The following UTP15 variants were observed in gnomAD, a reference collection of about 807,000 sequenced individuals.
The protein encoded by UTP15 is UTP15 small subunit processome component.
Under a neutral mutation model 59.1 loss-of-function variants are expected in UTP15, and 5 were observed. The observed-to-expected ratio is 0.08, with a 90% CI of 0.04 to 0.18. The LOEUF (loss-of-function observed/expected upper bound fraction) is 0.18. Ranked by LOEUF, UTP15 falls within the 10% of genes least tolerant of loss-of-function variation. UTP15 has a pLI of 1.00. For synonymous variants in UTP15, 211 were observed against 212.2 expected, an observed-to-expected ratio of 0.99 and a Z score of 0.05; for missense variants, 494 against 616.7, an observed-to-expected ratio of 0.80 and a Z score of 2.11.
chr5:73,578,897 A>G (rs769616892), intron 10 of UTP15, 45 bp downstream of exon 10: 8 of 1,574,148 alleles, frequency 5.1e-6, no homozygotes, highest in Non-Finnish European at 7.0e-6. Context: ...CTTACCCTGC[A>G]TATTACCATG....
rs967759598 is a variant in UTP15 at position 73,580,972 on chromosome 5, A to G, written c.*878A>G. On this transcript the variant is annotated 3_prime_UTR_variant, in exon 13 of 13. Coordinates refer to ENST00000296792, the MANE Select transcript of UTP15 (RefSeq NM_032175.4). ...CCCCCATTATTCACAATCATATTGT[A>G]TTTCGGAACCCCAATGCAGAGCAGT... is the stretch of plus-strand genomic sequence containing the variant. The G allele has an allele frequency of 2.0e-5, 3 of 151,960 alleles. No individual in the cohort carries two copies. The highest frequency in any genetic ancestry group is 4.4e-5 in the Non-Finnish European group (3 of 68,006). 9.4% of individuals were successfully genotyped at this position (151,960 alleles called of 1,614,324 possible).
chr5:73,581,465 C>G lies in UTP15; in HGVS notation c.*1371C>G, dbSNP rs1192217945. ...TCCTAGTACACTGGTTTCACAGTTG[C>G]TACCTCTCCTGCTTTTCTCTAATTA... is the stretch of plus-strand genomic sequence containing the variant. On this transcript the variant is annotated 3_prime_UTR_variant, in exon 13 of 13. Transcript: ENST00000296792. 6.6e-6 allele frequency: 1 copy of G among 152,134 alleles called. No homozygotes were observed. Among genetic ancestry groups the G allele is most frequent in the Non-Finnish European group, 1.5e-5 (1 of 68,026 alleles). The allele number at this position is 152,134 out of a possible 1,614,324, so 9.4% of individuals were successfully genotyped here.
intron 8 of UTP15, among the ~76,000 whole-genome samples, chr5:73,577,456 A>G (rs1214028821): frequency 6.6e-6 from 1 of 152,204 alleles, no homozygotes; most frequent in Non-Finnish European, 1.5e-5. Context: ...TATACTGTCA[A>G]GTTTTATGAG....
rs1218806381 is a variant in UTP15 at position 73,582,817 on chromosome 5, A to G, written c.*2723A>G. 6.6e-6 allele frequency: 1 copy of G among 152,246 alleles called. No homozygotes were observed. Among genetic ancestry groups the G allele is most frequent in the African/African-American group, 2.4e-5 (1 of 41,474 alleles). 9.4% of individuals were successfully genotyped at this position (152,246 alleles called of 1,614,324 possible). A position where few individuals can be genotyped will look rare whatever the true frequency, so the allele number is the denominator to read the frequency against. On this transcript the variant is annotated 3_prime_UTR_variant, in exon 13 of 13. Coordinates refer to ENST00000296792, the MANE Select transcript of UTP15 (RefSeq NM_032175.4). ...AATTTAAAATGCTTAACAGACTTTTAGACTTATGAGTTTCAGTTGAAAGGT... is the reference window on the plus strand; with the variant it reads ...AATTTAAAATGCTTAACAGACTTTTGGACTTATGAGTTTCAGTTGAAAGGT...
Position 73,570,701 on chromosome 5 carries a change from G to C in UTP15, c.663G>C (p.Leu221=). 6.2e-7 allele frequency: 1 copy of C among 1,613,760 alleles called. No individual in the cohort carries two copies. The highest frequency in any genetic ancestry group is 8.5e-7 in the Non-Finnish European group (1 of 1,179,924). ...SVLLFPSGGL[L]VSAGGRYVKV... Reference sequence around the variant, plus strand: ...TACTTTTCCCCTCTGGAGGTCTTCTGGTGTCAGCAGGTACTTCTTAAAAAT... The same window carrying C: ...TACTTTTCCCCTCTGGAGGTCTTCTCGTGTCAGCAGGTACTTCTTAAAAAT... The change falls in exon 6 of 13, where the codon CTG becomes CTC. Residue 221 remains leucine (L), a synonymous_variant. Transcript: ENST00000296792.
rs1561282102 is a variant in UTP15 at position 73,581,883 on chromosome 5, A to G, written c.*1789A>G. 6.6e-6 allele frequency: 1 copy of G among 152,170 alleles called. No individual in the cohort carries two copies. The highest frequency in any genetic ancestry group is 1.5e-5 in the Non-Finnish European group (1 of 68,038). 9.4% of individuals were successfully genotyped at this position (152,170 alleles called of 1,614,324 possible). On this transcript the variant is annotated 3_prime_UTR_variant, in exon 13 of 13. Coordinates refer to ENST00000296792, the MANE Select transcript of UTP15 (RefSeq NM_032175.4). ...AACCAGCAGTGTTTTTCCCTGAGTAATTATGAACTTAGTCAAGATCAGAAG... is the reference window on the plus strand; with the variant it reads ...AACCAGCAGTGTTTTTCCCTGAGTAGTTATGAACTTAGTCAAGATCAGAAG...
rs143724010 is a variant in UTP15 at position 73,572,565 on chromosome 5, C to T, written c.750C>T (p.Thr250=). 2.2e-5 allele frequency: 35 copies of T among 1,614,112 alleles called. No homozygotes were observed. Among genetic ancestry groups the T allele is most frequent in the South Asian group, 8.8e-5 (8 of 91,078 alleles). The part of the protein sequence containing the change: ...LLVSLKNHHK[T]VTCLCLSSSG... ...TATCTTTGAAAAATCATCACAAAAC[C>T]GTGACATGTTTATGTCTAAGCAGCT... The change falls in exon 7 of 13, where the codon ACC becomes ACT. Residue 250 remains threonine (T), a synonymous_variant. Transcript: ENST00000296792.
In UTP15 at chr5:73,580,009, T is replaced by C; in HGVS notation, c.1472T>C (p.Phe491Ser). The change falls in exon 13 of 13, where the codon TTT becomes TCT. Residue 491 changes from phenylalanine (F) to serine (S), a missense_variant. Physicochemically the swap from Phe to Ser is radical, Grantham distance 155 (BLOSUM62 -2). Transcript: ENST00000296792. ...ACCTTGGGGATGATGGATATGCTTT[T>C]TGCCACCATGAGAAGGAAGGAAGGC... ...LETLGMMDML[F>S]ATMRRKEGTS... is the part of the protein sequence containing the mutation. 6.2e-7 allele frequency: 1 copy of C among 1,613,930 alleles called. No individual in the cohort carries two copies. Among genetic ancestry groups the C allele is most frequent in the South Asian group, 1.1e-5 (1 of 91,078 alleles).
chr5:73,575,823 T>C (rs1210691523), intron 7 of UTP15, among the ~76,000 whole-genome samples: 1 of 151,094 alleles, frequency 6.6e-6, no homozygotes, highest in Non-Finnish European at 1.5e-5. Flanking sequence ...CCTGGGTTCA[T>C]GTGATTCTCC....
At position 73,576,810 on chromosome 5, in the gene UTP15, T is replaced by C. The variant is rs113741383; in HGVS notation, c.810-142T>C. 3.9e-4 allele frequency: 244 copies of C among 627,790 alleles called. No homozygotes were observed. In the African/African-American group the frequency reaches 4.0e-3, roughly 10 times the overall value. The allele number at this position is 627,790 out of a possible 1,614,324, so 38.9% of individuals were successfully genotyped here. ...TTTAAGGGATTCAGTGATGAATTAGTTTGTAATTAACATTACTAATCTTTG... is the reference window on the plus strand; with the variant it reads ...TTTAAGGGATTCAGTGATGAATTAGCTTGTAATTAACATTACTAATCTTTG... On this transcript the variant is annotated intron_variant, in intron 7 of 12. Coordinates refer to ENST00000296792, the MANE Select transcript of UTP15 (RefSeq NM_032175.4).
intron 8 of UTP15, among the ~76,000 whole-genome samples, chr5:73,577,351 G>C (rs1322881738): frequency 6.6e-6 from 1 of 152,158 alleles, no homozygotes; most frequent in Non-Finnish European, 1.5e-5. Flanking sequence ...CACTAGAAAG[G>C]CAGATTAGCT....
chr5:73,570,487 C>G, intron 5 of UTP15, 99 bp from the exon 6 acceptor site: 1 of 1,227,784 alleles, frequency 8.1e-7, no homozygotes, highest in Non-Finnish European at 1.1e-6. Flanking sequence ...TTTTAAAACT[C>G]CATCTAAGCT....
At chr5:73,574,148 C>T (rs1220237677) in intron 7 of UTP15, among the ~76,000 whole-genome samples, 1 of 151,514 alleles carries the variant, frequency 6.6e-6, no homozygotes, top group Admixed American at 6.6e-5. Flanking sequence ...TATAGTGAGA[C>T]CCCATCTCTA....
At position 73,567,724 on chromosome 5, in the gene UTP15, T is replaced by G. The variant is rs573361308; in HGVS notation, c.90+290T>G. 1.3e-5 allele frequency: 3 copies of G among 222,466 alleles called. No individual in the cohort carries two copies. In the East Asian group the frequency reaches 3.0e-4, roughly 22 times the overall value. 13.8% of individuals were successfully genotyped at this position (222,466 alleles called of 1,614,324 possible). Reference sequence around the variant, plus strand: ...ATCTCATATGTGTAAAGATGTTTATTGAAGTATTGCTTGTAATAGTAGAAA... The same window carrying G: ...ATCTCATATGTGTAAAGATGTTTATGGAAGTATTGCTTGTAATAGTAGAAA... On this transcript the variant is annotated intron_variant, in intron 2 of 12. Transcript: ENST00000296792.
chr5:73,571,560 CT>C (rs1302989831), intron 6 of UTP15, among the ~76,000 whole-genome samples: 1,887 of 142,652 alleles, frequency 0.013, 38 homozygotes, highest in African/African-American at 0.044. Context: ...TGTGTACCTC[CT>C]TTTTTTTTTT....
In UTP15 at chr5:73,579,869, C is replaced by T; in HGVS notation, c.1340-8C>T. On this transcript the variant is annotated splice_region_variant and splice_polypyrimidine_tract_variant and intron_variant, in intron 12 of 12. Transcript: ENST00000296792. ...GCTAGTTAATGTGTTTTCTTTCTCT[C>T]TTTTTAGATATATATCTGCCTGTAA... is the stretch of plus-strand genomic sequence containing the variant. 1.3e-6 allele frequency: 2 copies of T among 1,564,862 alleles called. No homozygotes were observed. The highest frequency in any genetic ancestry group is 1.9e-5 in the Admixed American group (1 of 51,610).
chr5:73,576,217 G>A (rs1021472764), intron 7 of UTP15, among the ~76,000 whole-genome samples: 9 of 151,574 alleles, frequency 5.9e-5, no homozygotes, highest in Non-Finnish European at 1.0e-4. Flanking sequence ...CAATTCTCAT[G>A]CCTCAGCCTC....
In UTP15 at chr5:73,568,570, A is replaced by C; in HGVS notation, c.334A>C (p.Arg112=). The change falls in exon 4 of 13, where the codon AGG becomes CGG. Residue 112 remains arginine (R), a synonymous_variant. Coordinates refer to ENST00000296792, the MANE Select transcript of UTP15 (RefSeq NM_032175.4). ...GGVQLFDISG[R]APLRQFEGHT... is the part of the protein sequence containing the mutation. ...AGTTCAACTTTTTGATATAAGTGGGAGGGCTCCCCTCAGGCAGTTTGAAGG... is the reference window on the plus strand; with the variant it reads ...AGTTCAACTTTTTGATATAAGTGGGCGGGCTCCCCTCAGGCAGTTTGAAGG... 1 of 1,613,926 alleles carries C rather than the reference A, an allele frequency of 6.2e-7. No homozygotes were observed. Among genetic ancestry groups the C allele is most frequent in the Non-Finnish European group, 8.5e-7 (1 of 1,179,928 alleles).
chr5:73,579,434 TAATCA>T, intron 12 of UTP15, 59 bp downstream of exon 12: 1 of 1,324,476 alleles, frequency 7.6e-7, no homozygotes, highest in Non-Finnish European at 1.1e-6. Context: ...AGATGTCAAA[TAATCA>T]AATTTGGAAA....
Sources: allele counts gnomAD v4.1 joint callset (sites outside exome capture counted in the v4.1 genomes callset), GRCh38; gene constraint gnomAD v4.1.1; transcripts MANE v1.5; gene names NCBI Gene and HGNC (gene_info 2026-07-23, HGNC 2026-07-21).